ANGPT1: variants seen among roughly 807,000 people sequenced by gnomAD.
The protein encoded by ANGPT1 is angiopoietin-1.
ANGPT1 carries 17 observed loss-of-function variants against 62.2 expected under a neutral mutation model. The ratio of observed to expected loss-of-function variants is 0.27; its 90% CI spans 0.19 to 0.41. The LOEUF (loss-of-function observed/expected upper bound fraction) is 0.41. ANGPT1 is among the 10% of genes least tolerant of loss of function. The pLI, the probability that ANGPT1 is intolerant of heterozygous loss-of-function variation, is 1.00. For missense variants in ANGPT1, 478 were observed against 594.9 expected (o/e 0.80, Z 2.04); for synonymous variants, 199 against 198.9 (o/e 1.00, Z 0.00).
At chr8:107,304,395 T>A (rs1028062554) in intron 4 of ANGPT1, among the ~76,000 whole-genome samples, 3 of 151,704 alleles carry the variant, frequency 2.0e-5, no homozygotes, top group Non-Finnish European at 3.0e-5. Flanking sequence ...TTCTAGAAAT[T>A]AAGATTAAGA....
chr8:107,390,553 A>T (rs894083932), intron 1 of ANGPT1, among the ~76,000 whole-genome samples: 1 of 152,208 alleles, frequency 6.6e-6, no homozygotes, highest in Non-Finnish European at 1.5e-5. Context: ...AAATCATCAG[A>T]CACTCTGTAG....
chr8:107,325,985 G>A (rs1288293164), intron 3 of ANGPT1, among the ~76,000 whole-genome samples: 5 of 152,072 alleles, frequency 3.3e-5, no homozygotes, highest in Non-Finnish European at 5.9e-5. Flanking sequence ...GAAAAGATCT[G>A]CTTTTCTGAG....
chr8:107,307,222 G>C lies in ANGPT1; in HGVS notation c.809-3855C>G, dbSNP rs934177797. On this transcript the variant is annotated intron_variant, in intron 4 of 8. Transcript: ENST00000517746. Reference sequence around the variant, plus strand: ...CTCCCTTTTCTTTCTTCTTAGCCTCGATCCCAGAGTCAGGAATTTAATAAT... The same window carrying C: ...CTCCCTTTTCTTTCTTCTTAGCCTCCATCCCAGAGTCAGGAATTTAATAAT... Among the ~76,000 whole-genome samples, 153 of 151,552 alleles carry C rather than the reference G, an allele frequency of 1.0e-3. 1 individual carries two copies. Among genetic ancestry groups the C allele is most frequent in the Non-Finnish European group, 5.9e-4 (40 of 67,924 alleles).
intron 4 of ANGPT1, among the ~76,000 whole-genome samples, chr8:107,318,760 T>C (rs1036270435): frequency 3.3e-5 from 5 of 152,156 alleles, no homozygotes; most frequent in African/African-American, 1.2e-4. Flanking sequence ...TTTTGGTACA[T>C]GTATACACTG....
At chr8:107,301,452 A>ATG (rs201116704) in intron 5 of ANGPT1, among the ~76,000 whole-genome samples, 1,698 of 150,894 alleles carry the variant, frequency 0.011, 10 homozygotes, top group East Asian at 0.022. Flanking sequence ...TGTGTTTATG[A>ATG]TGTGTGTGTG....
chr8:107,450,103 A>G (rs1290532580), intron 1 of ANGPT1, among the ~76,000 whole-genome samples: 2 of 152,140 alleles, frequency 1.3e-5, no homozygotes, highest in African/African-American at 4.8e-5. Context: ...CCTGAATCCA[A>G]GTAAAGCTGA....
At chr8:107,315,803 G>C (rs1291547575) in intron 4 of ANGPT1, among the ~76,000 whole-genome samples, 39 of 152,078 alleles carry the variant, frequency 2.6e-4, no homozygotes, top group Non-Finnish European at 1.5e-5. Flanking sequence ...GGGGTAAGTG[G>C]AAAGGAAAAA....
At chr8:107,264,100 A>G in intron 8 of ANGPT1, 121 bp downstream of exon 8, 2 of 1,234,126 alleles carry the variant, frequency 1.6e-6, no homozygotes, top group African/African-American at 1.5e-5. Flanking sequence ...GAACAAAATG[A>G]TCTCTAGGGA....
chr8:107,407,354 G>A (rs1817170651), intron 1 of ANGPT1, among the ~76,000 whole-genome samples: 1 of 151,446 alleles, frequency 6.6e-6, no homozygotes, highest in Non-Finnish European at 1.5e-5. Context: ...CATATTTAAA[G>A]CTGTATGTAA....
chr8:107,460,780 G>C (rs118007021), intron 1 of ANGPT1, among the ~76,000 whole-genome samples: 1 of 152,124 alleles, frequency 6.6e-6, no homozygotes, highest in Non-Finnish European at 1.5e-5. Flanking sequence ...ATTTAGATAT[G>C]ATTTTCAGTT....
intron 1 of ANGPT1, among the ~76,000 whole-genome samples, chr8:107,452,424 T>A (rs890988831): frequency 3.3e-5 from 5 of 151,798 alleles, no homozygotes; most frequent in Admixed American, 6.6e-5. Context: ...GGAAGTCACG[T>A]CTCATTTAGG....
At chr8:107,254,958 C>G (rs1257456780) in intron 8 of ANGPT1, among the ~76,000 whole-genome samples, 1 of 151,818 alleles carries the variant, frequency 6.6e-6, no homozygotes, top group Admixed American at 6.6e-5. Flanking sequence ...TCTTCCAAAG[C>G]CATCCTGAGC....
chr8:107,299,565 GATATATATA>G (rs1814513128), intron 5 of ANGPT1, among the ~76,000 whole-genome samples: 1 of 129,170 alleles, frequency 7.7e-6, no homozygotes, highest in Non-Finnish European at 1.6e-5. Context: ...AGCATATATA[GATATATATA>G]GCATATATAG....
At chr8:107,466,595 C>T (rs1351386956) in intron 1 of ANGPT1, among the ~76,000 whole-genome samples, 1 of 152,094 alleles carries the variant, frequency 6.6e-6, no homozygotes, top group African/African-American at 2.4e-5. Context: ...ATTTCAGCAT[C>T]TGCATGAACA....
At chr8:107,328,109 G>A (rs528017079) in intron 3 of ANGPT1, among the ~76,000 whole-genome samples, 11 of 152,178 alleles carry the variant, frequency 7.2e-5, no homozygotes, top group Admixed American at 5.9e-4. Flanking sequence ...AAACAAGGAG[G>A]AAGATGTTGA....
At position 107,323,004 on chromosome 8, in the gene ANGPT1, CA is replaced by C. The variant is rs1408705802; in HGVS notation, c.576-877del. Among the ~76,000 whole-genome samples, 3 of 152,198 alleles carry C rather than the reference CA, an allele frequency of 2.0e-5. No individual in the cohort carries two copies. The East Asian group carries it at 5.8e-4, about 29-fold the overall frequency. ...GAGGCTTAATGACACTACAAGTTCC[CA>C]AGTCACTGTATAAATGGTAACAAAA... On this transcript the variant is annotated intron_variant, in intron 3 of 8. Coordinates refer to ENST00000517746, the MANE Select transcript of ANGPT1 (RefSeq NM_001146.5).
At chr8:107,460,248 A>T (rs887615438) in intron 1 of ANGPT1, among the ~76,000 whole-genome samples, 2 of 152,172 alleles carry the variant, frequency 1.3e-5, no homozygotes, top group Admixed American at 6.6e-5. Context: ...GCATGTATAT[A>T]TTCCCAATCC....
At chr8:107,362,780 C>A (rs1331184613) in intron 1 of ANGPT1, among the ~76,000 whole-genome samples, 2 of 152,126 alleles carry the variant, frequency 1.3e-5, no homozygotes, top group African/African-American at 4.8e-5. Context: ...TCATAATTCT[C>A]ACCATTTTTT....
At chr8:107,378,277 C>T (rs1816567816) in intron 1 of ANGPT1, among the ~76,000 whole-genome samples, 1 of 152,042 alleles carries the variant, frequency 6.6e-6, no homozygotes, top group African/African-American at 2.4e-5. Context: ...TCTGCAACTG[C>T]CTCTGAAAAT....
Sources: gnomAD v4.1 joint callset for allele counts (sites outside exome capture counted in the v4.1 genomes callset) on GRCh38, gnomAD v4.1.1 for gene constraint, MANE v1.5 for transcripts, NCBI Gene and HGNC (gene_info 2026-07-23, HGNC 2026-07-21) for gene names.